Variants in GOT2 observed in about 807,000 individuals in gnomAD.
The protein encoded by GOT2 is glutamic-oxaloacetic transaminase 2.
Under a neutral mutation model 50.0 loss-of-function variants are expected in GOT2, and 17 were observed. That is an observed-to-expected ratio of 0.34 (90% CI 0.23 to 0.51). The LOEUF (loss-of-function observed/expected upper bound fraction) is 0.51. Among genes scored for constraint, GOT2 ranks in the 20% least tolerant of loss-of-function variants. The probability of loss-of-function intolerance (pLI) is 0.97; values close to 1 mark genes in which losing one functional copy is unlikely to be tolerated. For missense variants in GOT2, 430 were observed against 559.6 expected (o/e 0.77, Z 2.34); for synonymous variants, 172 against 204.9 (o/e 0.84, Z 1.37).
Position 58,722,150 on chromosome 16 carries a change from C to A in GOT2, c.375G>T (p.Arg125=). 6.2e-7 allele frequency: 1 copy of A among 1,611,904 alleles called. No individual in the cohort carries two copies. The highest frequency in any genetic ancestry group is 8.5e-7 in the Non-Finnish European group (1 of 1,179,838). ...TGATGCCAGAGCCTGCTCAGCTTAC[C>A]CGGCCACTCTTCAAGACTTCGCTGT... The part of the protein sequence containing the change: ...GENSEVLKSG[R]FVTVQTISGT... The change falls in exon 3 of 10, where the codon CGG becomes CGT. Residue 125 remains arginine (R), a splice_region_variant and synonymous_variant. Coordinates refer to ENST00000245206, the MANE Select transcript of GOT2 (RefSeq NM_002080.4).
At chr16:58,728,624 G>C (rs779443547) in intron 1 of GOT2, among the ~76,000 whole-genome samples, 1 of 152,120 alleles carries the variant, frequency 6.6e-6, no homozygotes, top group Admixed American at 6.5e-5. Flanking sequence ...GCATGGCTGT[G>C]GGGGGAGACA....
intron 3 of GOT2, among the ~76,000 whole-genome samples, chr16:58,720,578 ATT>A (rs567374817): frequency 5.0e-4 from 71 of 140,852 alleles, no homozygotes; most frequent in Admixed American, 4.3e-4. Context: ...AGGCACAACA[ATT>A]TTTTTTTTTT....
At chr16:58,726,157 A>C (rs2044781667) in intron 1 of GOT2, among the ~76,000 whole-genome samples, 1 of 152,214 alleles carries the variant, frequency 6.6e-6, no homozygotes, top group African/African-American at 2.4e-5. Flanking sequence ...ATGAAAGAGC[A>C]TATGAGGACA....
At chr16:58,715,314 G>A (rs574048727) in intron 8 of GOT2, among the ~76,000 whole-genome samples, 1 of 152,324 alleles carries the variant, frequency 6.6e-6, no homozygotes, top group East Asian at 1.9e-4. Flanking sequence ...TTAGGGGAAA[G>A]CAGGTTCTAC....
At position 58,734,211 on chromosome 16, in the gene GOT2, G is replaced by A. The variant is rs1284725368; in HGVS notation, c.18C>T (p.Ser6=). 2.2e-6 allele frequency: 3 copies of A among 1,333,350 alleles called. No homozygotes were observed. Among genetic ancestry groups the A allele is most frequent in the Non-Finnish European group, 2.9e-6 (3 of 1,036,352 alleles). 82.6% of individuals were successfully genotyped at this position (1,333,350 alleles called of 1,614,324 possible). A position where few individuals can be genotyped will look rare whatever the true frequency, so the allele number is the denominator to read the frequency against. The stretch of plus-strand genomic sequence containing the variant: ...CGGCGATCCCGGGGAGGACGCGGCC[G>A]GAGTGCAGCAGGGCCATGGTGGACC... MALLH[S]GRVLPGIAAA... Residue 6 remains serine (S), a synonymous_variant, in exon 1 of 10, where the codon TCC becomes TCT. Transcript: ENST00000245206.
At chr16:58,730,805 A>G (rs2044829785) in intron 1 of GOT2, among the ~76,000 whole-genome samples, 1 of 152,214 alleles carries the variant, frequency 6.6e-6, no homozygotes, top group Admixed American at 6.5e-5. Flanking sequence ...GGAATCGAGT[A>G]GATGAAAATA....
intron 1 of GOT2, chr16:58,733,802 G>A: frequency 3.9e-6 from 1 of 257,504 alleles, no homozygotes; most frequent in Non-Finnish European, 7.4e-6. Context: ...ACCCGGCGCC[G>A]CTGCCCCAGT....
intron 1 of GOT2, among the ~76,000 whole-genome samples, chr16:58,731,729 A>G (rs1255066549): frequency 1.3e-5 from 2 of 152,222 alleles, no homozygotes; most frequent in Admixed American, 1.3e-4. Flanking sequence ...AGTTCCACAT[A>G]TTTACAAAGA....
intron 8 of GOT2, among the ~76,000 whole-genome samples, chr16:58,715,594 C>A (rs2044685704): frequency 6.6e-6 from 1 of 152,054 alleles, no homozygotes; most frequent in Non-Finnish European, 1.5e-5. Flanking sequence ...CTCTTGTTGC[C>A]CAGGCTGGAG....
chr16:58,721,750 A>T (rs2044741720), intron 3 of GOT2: 1 of 153,908 alleles, frequency 6.5e-6, no homozygotes, highest in South Asian at 2.0e-4. Flanking sequence ...ATCATTACAC[A>T]CAAAATGAGT....
At chr16:58,725,962 A>G (rs2044779967) in intron 1 of GOT2, among the ~76,000 whole-genome samples, 1 of 152,228 alleles carries the variant, frequency 6.6e-6, no homozygotes, top group African/African-American at 2.4e-5. Flanking sequence ...AAAACCCCAA[A>G]GAGCTTTTAT....
At chr16:58,715,394 T>C (rs30834) in intron 8 of GOT2, among the ~76,000 whole-genome samples, 112,113 of 152,078 alleles carry the variant, frequency 0.74, 41,864 homozygotes, top group Middle Eastern at 0.89. Flanking sequence ...CAGAGAAATA[T>C]CAATTAACTT....
intron 8 of GOT2, among the ~76,000 whole-genome samples, chr16:58,711,939 C>A (rs1217916009): frequency 1.6e-4 from 24 of 152,132 alleles, no homozygotes; most frequent in Admixed American, 1.6e-3. Context: ...CTCAGCTTGG[C>A]TGTCTCCCAC....
intron 8 of GOT2, among the ~76,000 whole-genome samples, chr16:58,712,454 T>C (rs956165790): frequency 6.6e-6 from 1 of 152,142 alleles, no homozygotes; most frequent in Non-Finnish European, 1.5e-5. Flanking sequence ...GAGGTTGCAG[T>C]GAGCTGAGAT....
chr16:58,722,196 G>A lies in GOT2; in HGVS notation c.329C>T (p.Ala110Val). The change falls in exon 3 of 10, where the codon GCA becomes GTA. Residue 110 changes from alanine to valine, a missense_variant. Physicochemically the swap from Ala to Val is moderately conservative, Grantham distance 64. Coordinates refer to ENST00000245206, the MANE Select transcript of GOT2 (RefSeq NM_002080.4). ...GCTGTTCTCACCCAGGGCTAGTTCT[G>A]CAGATGCCTTGCAAAATTCAGCCAG... ...GGLAEFCKAS[A>V]ELALGENSEV... The A allele has an allele frequency of 1.9e-6, 3 of 1,612,416 alleles. No homozygotes were observed. The highest frequency in any genetic ancestry group is 1.3e-5 in the African/African-American group (1 of 74,954).
Position 58,718,574 on chromosome 16 carries a change from G to A in GOT2, c.550C>T (p.Pro184Ser), listed in dbSNP as rs1301873371. The A allele has an allele frequency of 7.5e-6, 12 of 1,607,444 alleles. No homozygotes were observed. The highest frequency in any genetic ancestry group is 7.6e-6 in the Non-Finnish European group (9 of 1,176,702). Residue 184 changes from proline to serine, a missense_variant, in exon 5 of 10, where the codon CCC (proline) becomes TCC (serine). Transcript: ENST00000245206. ...MQLQGYRYYD[P>S]KTCGFDFTGA... ...GTGAAGTCAAAACCGCAAGTCTTGG[G>A]GTCATAATACCGATAACCTTGTAGC...
rs1286273303 is a variant in GOT2, at chr16:58,734,195, CG to C, written c.33del (p.Ile13SerfsTer48). The C allele has an allele frequency of 5.2e-6, 7 of 1,336,468 alleles. No homozygotes were observed. Among genetic ancestry groups the C allele is most frequent in the Non-Finnish European group, 6.7e-6 (7 of 1,037,760 alleles). 82.8% of individuals were successfully genotyped at this position (1,336,468 alleles called of 1,614,324 possible). A position where few individuals can be genotyped will look rare whatever the true frequency, so the allele number is the denominator to read the frequency against. On this transcript the variant is annotated frameshift_variant, in exon 1 of 10. Transcript: ENST00000245206. LOFTEE classifies it high-confidence loss of function. MALLHSGRVL[P>X]GIAAAFHPGL... ...CCCGGGTGGAAGGCGGCGGCGATCCCGGGGAGGACGCGGCCGGAGTGCAGCA... is the reference window on the plus strand; with the variant it reads ...CCCGGGTGGAAGGCGGCGGCGATCCCGGGAGGACGCGGCCGGAGTGCAGCA...
chr16:58,709,252 G>T, intron 9 of GOT2, 165 bp downstream of exon 9: 1 of 653,282 alleles, frequency 1.5e-6, no homozygotes, highest in Non-Finnish European at 2.5e-6. Context: ...TTCAGAGCGA[G>T]ACTGTCTCAA....
Position 58,708,031 on chromosome 16 carries a change from C to G in GOT2, c.*140G>C, listed in dbSNP as rs932176344. 1 of 764,806 alleles carries G rather than the reference C, an allele frequency of 1.3e-6. No individual in the cohort carries two copies. The highest frequency in any genetic ancestry group is 2.0e-6 in the Non-Finnish European group (1 of 493,502). The allele number at this position is 764,806 out of a possible 1,614,324, so 47.4% of individuals were successfully genotyped here. Reference sequence around the variant, plus strand: ...TACATGTTCTTTTCTGAGAAACATTCAAATGCTGAGTGTTACACACTGTGG... The same window carrying G: ...TACATGTTCTTTTCTGAGAAACATTGAAATGCTGAGTGTTACACACTGTGG... On this transcript the variant is annotated 3_prime_UTR_variant, in exon 10 of 10. Coordinates refer to ENST00000245206, the MANE Select transcript of GOT2 (RefSeq NM_002080.4).
Sources: gnomAD v4.1 joint callset for allele counts (sites outside exome capture counted in the v4.1 genomes callset) on GRCh38, gnomAD v4.1.1 for gene constraint, MANE v1.5 for transcripts, NCBI Gene and HGNC (gene_info 2026-07-23, HGNC 2026-07-21) for gene names.